LAMB4: variants seen among roughly 807,000 people sequenced by gnomAD.
LAMB4 encodes the protein laminin subunit beta-4.
Under a neutral mutation model 199.2 loss-of-function variants are expected in LAMB4, and 196 were observed. The observed-to-expected ratio is 0.98, with a 90% CI of 0.88 to 1.11. The LOEUF is 1.11. Among genes scored for constraint, LAMB4 ranks in the 50% least tolerant of loss-of-function variants. The pLI, the probability that LAMB4 is intolerant of heterozygous loss-of-function variation, is 0.00. For synonymous variants in LAMB4, 744 were observed against 770.6 expected (o/e 0.97, Z 0.57); for missense variants, 2,080 against 2,171.2 (o/e 0.96, Z 0.83).
downstream of LAMB4, among the ~76,000 whole-genome samples, chr7:108,018,600 A>G (rs982061357): frequency 6.6e-6 from 1 of 152,100 alleles, no homozygotes; most frequent in African/African-American, 2.4e-5. Context: ...TTAGCTGGGC[A>G]TGGTGGCACG....
chr7:108,064,315 C>G (rs2036263253), intron 21 of LAMB4, among the ~76,000 whole-genome samples: 1 of 152,162 alleles, frequency 6.6e-6, no homozygotes, highest in African/African-American at 2.4e-5. Context: ...GGACCCAAGA[C>G]TAATCTCAGC....
intron 18 of LAMB4, 128 bp downstream of exon 18, chr7:108,069,580 T>G: frequency 1.3e-6 from 1 of 771,358 alleles, no homozygotes; most frequent in Non-Finnish European, 2.1e-6. Flanking sequence ...CCACTCTGTG[T>G]ATCTAATCAT....
intron 1 of LAMB4, among the ~76,000 whole-genome samples, chr7:108,128,122 G>A (rs2038858172): frequency 6.6e-6 from 1 of 152,122 alleles, no homozygotes; most frequent in South Asian, 2.1e-4. Flanking sequence ...TTGCCAGGTG[G>A]AGGTTGTTAG....
At chr7:108,066,960 A>G (rs1160789961) in intron 19 of LAMB4, among the ~76,000 whole-genome samples, 1 of 151,592 alleles carries the variant, frequency 6.6e-6, no homozygotes, top group African/African-American at 2.4e-5. Context: ...ATAATGGTAT[A>G]GTATTAATAT....
chr7:108,111,497 C>T (rs1181189070), intron 4 of LAMB4, among the ~76,000 whole-genome samples: 1 of 152,236 alleles, frequency 6.6e-6, no homozygotes, highest in Non-Finnish European at 1.5e-5. Flanking sequence ...AATTTACCAA[C>T]ACTTCATAAA....
At position 108,048,165 on chromosome 7, in the gene LAMB4, T is replaced by A. The variant is rs1034142516; in HGVS notation, c.4123-54A>T. 3.3e-4 allele frequency: 450 copies of A among 1,383,892 alleles called. 1 individual carries two copies. The highest frequency in any genetic ancestry group is 1.6e-3 in the Admixed American group (73 of 44,970). The allele number at this position is 1,383,892 out of a possible 1,614,324, so 85.7% of individuals were successfully genotyped here. A position where few individuals can be genotyped will look rare whatever the true frequency, so the allele number is the denominator to read the frequency against. On this transcript the variant is annotated intron_variant, in intron 27 of 33. Coordinates refer to ENST00000388781, the MANE Select transcript of LAMB4 (RefSeq NM_007356.3). ...AGCAACTTGTTGTCAGAGCTTTTTTTTTTTTTTTTTTTTTTTTGAGACGGA... is the reference window on the plus strand; with the variant it reads ...AGCAACTTGTTGTCAGAGCTTTTTTATTTTTTTTTTTTTTTTTGAGACGGA...
intron 23 of LAMB4, chr7:108,062,438 C>A (rs139620001): frequency 1.2e-5 from 2 of 168,974 alleles, no homozygotes; most frequent in African/African-American, 4.7e-5. Context: ...GATTCATAAT[C>A]TCTTCTGATT....
At chr7:108,097,641 C>T (rs1183691468) in intron 11 of LAMB4, among the ~76,000 whole-genome samples, 3 of 152,040 alleles carry the variant, frequency 2.0e-5, no homozygotes, top group Non-Finnish European at 4.4e-5. Context: ...AAAAATTAGC[C>T]GGGCGTGGTG....
intron 14 of LAMB4, among the ~76,000 whole-genome samples, chr7:108,082,778 C>T (rs887879725): frequency 6.6e-6 from 1 of 152,246 alleles, no homozygotes; most frequent in Admixed American, 6.5e-5. Context: ...CAAGACAGTA[C>T]ATAAAAACAC....
intron 29 of LAMB4, 103 bp from the exon 30 acceptor site, chr7:108,037,698 GATTATGT>G: frequency 1.3e-6 from 1 of 796,860 alleles, no homozygotes; most frequent in Non-Finnish European, 2.1e-6. Flanking sequence ...ACTTGCACTT[GATTATGT>G]GCCCCTAGAA....
At chr7:108,048,400 A>C (rs778539121) in intron 27 of LAMB4, among the ~76,000 whole-genome samples, 1 of 152,064 alleles carries the variant, frequency 6.6e-6, no homozygotes, top group Non-Finnish European at 1.5e-5. Context: ...TCCTGACCTC[A>C]GGTGATCCGC....
At position 108,037,517 on chromosome 7, in the gene LAMB4, T is replaced by C. The variant is rs376267669; in HGVS notation, c.4550A>G (p.Asn1517Ser). 6.2e-7 allele frequency: 1 copy of C among 1,614,026 alleles called. No homozygotes were observed. Among genetic ancestry groups the C allele is most frequent in the African/African-American group, 1.3e-5 (1 of 74,914 alleles). ...LDIHLPIPSQ[N>S]LTDELVKIQK... ...TATTTTGACAAGTTCATCGGTTAGA[T>C]TTTGGGATGGAATTGGTAGGTGAAT... is the stretch of plus-strand genomic sequence containing the variant. Residue 1517 changes from asparagine to serine, a missense_variant, in exon 30 of 34, where the codon AAT (asparagine) becomes AGT (serine). Asn to Ser is a conservative substitution (Grantham distance 46). Transcript: ENST00000388781.
intron 31 of LAMB4, among the ~76,000 whole-genome samples, chr7:108,031,516 A>G (rs1276019658): frequency 6.6e-6 from 1 of 152,068 alleles, no homozygotes; most frequent in South Asian, 2.1e-4. Context: ...TCTCCCCTCA[A>G]AGACAACCAC....
chr7:108,017,997 C>T, the LAMB4 span, among the ~76,000 whole-genome samples: 2 of 152,250 alleles, frequency 1.3e-5, no homozygotes, highest in South Asian at 2.1e-4. Flanking sequence ...TCGCATTTAT[C>T]ACCTGATCCT....
intron 24 of LAMB4, among the ~76,000 whole-genome samples, chr7:108,056,439 C>T (rs947009194): frequency 6.6e-6 from 1 of 152,204 alleles, no homozygotes; most frequent in Non-Finnish European, 1.5e-5. Flanking sequence ...GATGACCACG[C>T]TGTCTTCCAT....
chr7:108,068,780 G>A (rs573967224), intron 18 of LAMB4, among the ~76,000 whole-genome samples: 2 of 152,152 alleles, frequency 1.3e-5, no homozygotes, highest in East Asian at 3.9e-4. Context: ...TGCAACCTCC[G>A]CCTTCCCAGT....
intron 2 of LAMB4, among the ~76,000 whole-genome samples, chr7:108,122,553 T>A (rs965560611): frequency 6.6e-6 from 1 of 152,214 alleles, no homozygotes; most frequent in Non-Finnish European, 1.5e-5. Context: ...TCAGCATAAA[T>A]CTTTGAAGTG....
chr7:108,096,214 T>A (rs1362599226), intron 11 of LAMB4, among the ~76,000 whole-genome samples: 1 of 152,204 alleles, frequency 6.6e-6, no homozygotes, highest in East Asian at 1.9e-4. Context: ...TCGGTCTGAT[T>A]TTGACTACTC....
At chr7:108,025,847 G>A (rs2150477664) in intron 33 of LAMB4, among the ~76,000 whole-genome samples, 1 of 152,286 alleles carries the variant, frequency 6.6e-6, no homozygotes, top group Admixed American at 6.5e-5. Flanking sequence ...TGATTGAGCT[G>A]GTTACACCAG....
Sources: allele counts gnomAD v4.1 joint callset (sites outside exome capture counted in the v4.1 genomes callset), GRCh38; gene constraint gnomAD v4.1.1; transcripts MANE v1.5; gene names NCBI Gene and HGNC (gene_info 2026-07-23, HGNC 2026-07-21).